MAGI2: variants seen among roughly 807,000 people sequenced by gnomAD.
MAGI2 encodes membrane associated guanylate kinase, WW and PDZ domain containing 2.
In MAGI2, 35 loss-of-function variants were observed where a neutral mutation model predicts 133.3. The ratio of observed to expected loss-of-function variants is 0.26; its 90% CI spans 0.20 to 0.35. MAGI2 has a LOEUF of 0.35. MAGI2 is among the 10% of genes least tolerant of loss of function. The pLI is 1.00. For missense variants in MAGI2, 1,636 were observed against 1,863.4 expected (o/e 0.88, Z 2.25); for synonymous variants, 729 against 710.6 (o/e 1.03, Z -0.41).
At chr7:78,437,582 G>A (rs1053416069) in intron 6 of MAGI2, among the ~76,000 whole-genome samples, 3 of 152,112 alleles carry the variant, frequency 2.0e-5, no homozygotes, top group Non-Finnish European at 4.4e-5. Flanking sequence ...CAGCAGATGG[G>A]AGTCAAGGGT....
chr7:78,316,519 G>A (rs565756236), intron 9 of MAGI2, among the ~76,000 whole-genome samples: 2 of 152,330 alleles, frequency 1.3e-5, no homozygotes, highest in East Asian at 3.9e-4. Flanking sequence ...ATTTGTATGT[G>A]ATAAAACAGA....
At chr7:79,150,692 TG>T (rs11313448) in intron 1 of MAGI2, among the ~76,000 whole-genome samples, 106,564 of 151,842 alleles carry the variant, frequency 0.7, 40,075 homozygotes, top group Non-Finnish European at 0.85. Flanking sequence ...TCATATCAGG[TG>T]GGCCATAATT....
chr7:79,047,298 A>C (rs10231279), intron 1 of MAGI2, among the ~76,000 whole-genome samples: 1 of 151,884 alleles, frequency 6.6e-6, no homozygotes, highest in Non-Finnish European at 1.5e-5. Flanking sequence ...TTAAGGCACA[A>C]TGTGTATAAT....
chr7:78,537,441 T>G (rs10953596), intron 3 of MAGI2, among the ~76,000 whole-genome samples: 123,999 of 152,132 alleles, frequency 0.82, 51,229 homozygotes, highest in African/African-American at 0.95. Context: ...CATAGAGGTT[T>G]TACTAGTTTA....
intron 2 of MAGI2, among the ~76,000 whole-genome samples, chr7:78,909,500 G>GGCTGA (rs1416144390): frequency 6.7e-6 from 1 of 150,318 alleles, no homozygotes; most frequent in African/African-American, 2.4e-5. Context: ...CTATTCCGGA[G>GGCTGA]GCTGAGGCAG....
chr7:79,151,718 T>G (rs1440818526), intron 1 of MAGI2, among the ~76,000 whole-genome samples: 1 of 152,142 alleles, frequency 6.6e-6, no homozygotes, highest in Non-Finnish European at 1.5e-5. Context: ...CAGGTAAATT[T>G]GATAGAAAAG....
At chr7:79,428,142 T>C (rs1847523806) in intron 1 of MAGI2, among the ~76,000 whole-genome samples, 1 of 152,148 alleles carries the variant, frequency 6.6e-6, no homozygotes, top group African/African-American at 2.4e-5. Flanking sequence ...AAGTAGGGCA[T>C]ACATGTGGAA....
chr7:78,484,647 G>A (rs1792780296), intron 6 of MAGI2: 1 of 150,646 alleles, frequency 6.6e-6, no homozygotes, highest in African/African-American at 2.5e-5. Flanking sequence ...ACATTCTATA[G>A]TAATTCAAAG....
intron 1 of MAGI2, among the ~76,000 whole-genome samples, chr7:79,446,162 G>GT (rs1462531807): frequency 7.9e-5 from 12 of 152,260 alleles, no homozygotes; most frequent in Middle Eastern, 3.4e-3. Flanking sequence ...ACCTGGGCCT[G>GT]TTGTGCAGTG....
At chr7:78,064,156 A>G (rs897726137) in intron 21 of MAGI2, among the ~76,000 whole-genome samples, 2 of 152,248 alleles carry the variant, frequency 1.3e-5, no homozygotes, top group African/African-American at 4.8e-5. Flanking sequence ...CCCAATAAGT[A>G]TTCCATGGCT....
chr7:79,089,722 C>T (rs1345603320), intron 1 of MAGI2, among the ~76,000 whole-genome samples: 1 of 151,970 alleles, frequency 6.6e-6, no homozygotes, highest in Non-Finnish European at 1.5e-5. Flanking sequence ...CAAACTAAAC[C>T]CTCATTCTCA....
chr7:78,042,515 T>C (rs757865), intron 21 of MAGI2, among the ~76,000 whole-genome samples: 107,779 of 152,044 alleles, frequency 0.71, 38,759 homozygotes, highest in African/African-American at 0.82. Flanking sequence ...GTCTGGCCTG[T>C]GAAGTCAAAC....
intron 2 of MAGI2, among the ~76,000 whole-genome samples, chr7:78,786,702 C>G (rs753358380): frequency 6.6e-6 from 1 of 152,214 alleles, no homozygotes; most frequent in South Asian, 2.1e-4. Context: ...GACACACATA[C>G]ACTTTCTAGT....
At chr7:78,878,504 T>C (rs1057041906) in intron 2 of MAGI2, among the ~76,000 whole-genome samples, 4 of 152,228 alleles carry the variant, frequency 2.6e-5, no homozygotes, top group Non-Finnish European at 5.9e-5. Flanking sequence ...ATAATAGTAG[T>C]GATTTGCTTA....
chr7:78,976,480 T>TAAAC (rs1345964132), intron 2 of MAGI2, among the ~76,000 whole-genome samples: 2 of 151,326 alleles, frequency 1.3e-5, no homozygotes, highest in African/African-American at 4.8e-5. Context: ...AATAAATAAA[T>TAAAC]AAATCACCTA....
intron 1 of MAGI2, among the ~76,000 whole-genome samples, chr7:79,155,853 C>T (rs374274110): frequency 2.1e-4 from 32 of 151,952 alleles, no homozygotes; most frequent in Middle Eastern, 3.4e-3. Flanking sequence ...GGTCTTCATC[C>T]GACTACAAAA....
chr7:78,670,775 A>G (rs1473786236), intron 2 of MAGI2, among the ~76,000 whole-genome samples: 1 of 152,182 alleles, frequency 6.6e-6, no homozygotes, highest in African/African-American at 2.4e-5. Flanking sequence ...TCTTTAACAC[A>G]AGTTTGAAAA....
intron 6 of MAGI2, among the ~76,000 whole-genome samples, chr7:78,408,924 C>A (rs1797627111): frequency 6.6e-6 from 1 of 151,970 alleles, no homozygotes; most frequent in South Asian, 2.1e-4. Flanking sequence ...CTGGATAATA[C>A]TACTACAGAC....
chr7:78,335,175 G>A (rs984710784), intron 9 of MAGI2, among the ~76,000 whole-genome samples: 1 of 152,152 alleles, frequency 6.6e-6, no homozygotes, highest in African/African-American at 2.4e-5. Context: ...GCTGATTTCG[G>A]TTCTAGTGTC....
Sources: allele counts gnomAD v4.1 joint callset (sites outside exome capture counted in the v4.1 genomes callset), GRCh38; gene constraint gnomAD v4.1.1; transcripts MANE v1.5; gene names NCBI Gene and HGNC (gene_info 2026-07-23, HGNC 2026-07-21).